LCLAT1: variants seen among roughly 807,000 people sequenced by gnomAD.
LCLAT1 encodes 1-AGP acyltransferase 8.
LCLAT1 carries 11 observed loss-of-function variants against 30.7 expected under a neutral mutation model. The ratio of observed to expected loss-of-function variants is 0.36; its 90% confidence interval spans 0.23 to 0.59. The LOEUF (loss-of-function observed/expected upper bound fraction) is 0.59, where lower values mean the gene tolerates loss of function less well. LCLAT1 is among the 20% of genes least tolerant of loss of function. The probability of loss-of-function intolerance (pLI) is 0.77; values close to 1 mark genes in which losing one functional copy is unlikely to be tolerated. For missense variants in LCLAT1, 402 were observed against 458.6 expected, an observed-to-expected ratio of 0.88 and a Z score of 1.13; for synonymous variants, 155 against 151.3, an observed-to-expected ratio of 1.02 and a Z score of -0.18.
intron 1 of LCLAT1, chr2:30,476,388 A>G: frequency 2.2e-6 from 1 of 456,668 alleles, no homozygotes; most frequent in Non-Finnish European, 4.4e-6. Context: ...TCAAAGTTTC[A>G]TCTGTCTTTA....
At chr2:30,563,300 G>A (rs1057279340) in intron 4 of LCLAT1, among the ~76,000 whole-genome samples, 2 of 152,150 alleles carry the variant, frequency 1.3e-5, no homozygotes, top group African/African-American at 4.8e-5. Context: ...TAAATCAGTA[G>A]TTTTCACACT....
chr2:30,610,291 T>C (rs774064865), intron 5 of LCLAT1, among the ~76,000 whole-genome samples: 14 of 152,164 alleles, frequency 9.2e-5, no homozygotes, highest in Non-Finnish European at 1.6e-4. Context: ...ATTCCATTAT[T>C]GAATTGATGC....
At chr2:30,639,691 C>A (rs376498724) in intron 5 of LCLAT1, among the ~76,000 whole-genome samples, 3 of 152,098 alleles carry the variant, frequency 2.0e-5, no homozygotes, top group African/African-American at 7.2e-5. Flanking sequence ...CAGTAGCTAT[C>A]GTGGTAACAT....
At chr2:30,468,005 G>A (rs1682537659) in intron 1 of LCLAT1, among the ~76,000 whole-genome samples, 1 of 152,130 alleles carries the variant, frequency 6.6e-6, no homozygotes, top group Non-Finnish European at 1.5e-5. Flanking sequence ...TAGACATGAA[G>A]TCCTTGCCCA....
chr2:30,549,019 T>C (rs1411501349), intron 3 of LCLAT1, among the ~76,000 whole-genome samples: 3 of 152,234 alleles, frequency 2.0e-5, no homozygotes, highest in East Asian at 3.8e-4. Flanking sequence ...CCAGGCAGTT[T>C]TACCAGGATT....
intron 1 of LCLAT1, among the ~76,000 whole-genome samples, chr2:30,478,079 A>G (rs925157935): frequency 2.0e-5 from 3 of 151,808 alleles, no homozygotes; most frequent in African/African-American, 7.3e-5. Context: ...TTAAAAAAAA[A>G]AAAAAAAAAA....
intron 5 of LCLAT1, among the ~76,000 whole-genome samples, chr2:30,609,615 CAAG>C (rs1016381706): frequency 3.9e-5 from 6 of 152,092 alleles, no homozygotes; most frequent in African/African-American, 1.2e-4. Context: ...TTCTAAATCT[CAAG>C]GAACTAGTTT....
At chr2:30,467,894 G>A (rs996487467) in intron 1 of LCLAT1, among the ~76,000 whole-genome samples, 1 of 152,176 alleles carries the variant, frequency 6.6e-6, no homozygotes, top group Non-Finnish European at 1.5e-5. Context: ...TAAGTTGCCT[G>A]TTCACTCTGA....
chr2:30,594,093 G>A (rs191444000), intron 5 of LCLAT1, among the ~76,000 whole-genome samples: 1 of 152,016 alleles, frequency 6.6e-6, no homozygotes, highest in East Asian at 1.9e-4. Flanking sequence ...TTTAGGGCCT[G>A]GAAACTCAGA....
chr2:30,546,682 C>T (rs1209366069), intron 3 of LCLAT1, among the ~76,000 whole-genome samples: 1 of 152,094 alleles, frequency 6.6e-6, no homozygotes, highest in East Asian at 1.9e-4. Flanking sequence ...ACATGTTAGC[C>T]ACAAAGAATA....
At chr2:30,452,939 T>G (rs556307394) in intron 1 of LCLAT1, among the ~76,000 whole-genome samples, 72 of 152,178 alleles carry the variant, frequency 4.7e-4, no homozygotes, top group African/African-American at 1.7e-3. Context: ...AAGAGACATA[T>G]GAGGGGTTGC....
chr2:30,551,231 T>G (rs894290459), intron 3 of LCLAT1, among the ~76,000 whole-genome samples: 20 of 152,330 alleles, frequency 1.3e-4, no homozygotes, highest in Admixed American at 1.1e-3. Flanking sequence ...GGTCTTGAAC[T>G]CCTGGGCTCA....
chr2:30,492,066 A>G (rs1558473040), intron 1 of LCLAT1, among the ~76,000 whole-genome samples: 1 of 152,186 alleles, frequency 6.6e-6, no homozygotes, highest in Non-Finnish European at 1.5e-5. Flanking sequence ...ATATTTAAGT[A>G]CCATCTTATT....
At chr2:30,475,903 A>T (rs1038050434) in intron 1 of LCLAT1, among the ~76,000 whole-genome samples, 1 of 152,228 alleles carries the variant, frequency 6.6e-6, no homozygotes, top group African/African-American at 2.4e-5. Context: ...TCAAGTGAAG[A>T]TTTGATAATC....
intron 3 of LCLAT1, among the ~76,000 whole-genome samples, chr2:30,556,248 A>G (rs1345564598): frequency 1.3e-5 from 2 of 152,226 alleles, no homozygotes; most frequent in African/African-American, 2.4e-5. Context: ...ATAAAACCTT[A>G]TTTATAAATA....
At chr2:30,473,331 A>G (rs1029521220) in intron 1 of LCLAT1, among the ~76,000 whole-genome samples, 17 of 152,178 alleles carry the variant, frequency 1.1e-4, no homozygotes, top group African/African-American at 3.9e-4. Context: ...AGTAAAAGGA[A>G]TCTGAATCTA....
chr2:30,551,019 TC>T (rs1345037182), intron 3 of LCLAT1, among the ~76,000 whole-genome samples: 1 of 152,184 alleles, frequency 6.6e-6, no homozygotes, highest in Non-Finnish European at 1.5e-5. Context: ...TGCTCTGTCA[TC>T]CAGGTTGGTG....
intron 3 of LCLAT1, among the ~76,000 whole-genome samples, chr2:30,559,121 G>A (rs1665076303): frequency 6.6e-6 from 1 of 152,124 alleles, no homozygotes; most frequent in Non-Finnish European, 1.5e-5. Flanking sequence ...AATATATACT[G>A]TGTGATTCTA....
chr2:30,463,151 A>T (rs946189565), intron 1 of LCLAT1, among the ~76,000 whole-genome samples: 1 of 151,842 alleles, frequency 6.6e-6, no homozygotes, highest in Non-Finnish European at 1.5e-5. Context: ...ATACATTTAT[A>T]TATTTATAAA....
Sources: allele counts gnomAD v4.1 joint callset (sites outside exome capture counted in the v4.1 genomes callset), GRCh38; gene constraint gnomAD v4.1.1; transcripts MANE v1.5; gene names NCBI Gene and HGNC (gene_info 2026-07-23, HGNC 2026-07-21).